ZMYND8: variants seen among roughly 807,000 people sequenced by gnomAD.
ZMYND8 encodes the protein zinc finger MYND-type containing 8, also known as MYND-type zinc finger-containing chromatin reader ZMYND8.
In ZMYND8, 37 loss-of-function variants were observed where a neutral mutation model predicts 140.8. The ratio of observed to expected loss-of-function variants is 0.26; its 90% CI spans 0.20 to 0.35. The LOEUF (loss-of-function observed/expected upper bound fraction) is 0.35. Among genes scored for constraint, ZMYND8 ranks in the 10% least tolerant of loss-of-function variants. ZMYND8 has a pLI of 1.00. For missense variants in ZMYND8, 1,068 were observed against 1,570.0 expected (o/e 0.68, Z 5.40); for synonymous variants, 592 against 597.1 (o/e 0.99, Z 0.12).
At position 47,283,611 on chromosome 20, in the gene ZMYND8, G is replaced by T. The variant is rs1247095234; in HGVS notation, c.842C>A (p.Ala281Asp). The change falls in exon 9 of 23, where the codon GCT (alanine) becomes GAT (aspartate). Residue 281 changes from alanine to aspartate, a missense_variant. Around this residue, in one of 10 missense-constraint regions of ZMYND8, gnomAD observed 109 missense variants for 314.9 expected, o/e 0.35. Transcript: ENST00000471951. ...EIEVCPECYLAACQKRDNWFC... is the reference protein window; with the variant it reads ...EIEVCPECYLDACQKRDNWFC... The stretch of plus-strand genomic sequence containing the variant: ...CCAGTTATCTCGTTTTTGGCAAGCA[G>T]CTAGATAACATTCTGGACATACTTC... 1 of 1,613,964 alleles carries T rather than the reference G, an allele frequency of 6.2e-7. No homozygotes were observed. The highest frequency in any genetic ancestry group is 8.5e-7 in the Non-Finnish European group (1 of 1,179,986).
chr20:47,236,645 C>T (rs1490839991), intron 15 of ZMYND8, 129 bp from the exon 16 acceptor site: 1 of 965,028 alleles, frequency 1.0e-6, no homozygotes, highest in African/African-American at 1.7e-5. Flanking sequence ...CAAAGATGCT[C>T]CCCTTGACCA....
At chr20:47,225,576 AGGGAGGGGAAGGAAGGGGAAGGAG>A (rs2037572572) in intron 18 of ZMYND8, among the ~76,000 whole-genome samples, 8 of 776 alleles carry the variant, frequency 0.01, no homozygotes, top group Admixed American at 0.016. Context: ...AGGGAGGGGA[AGGGAGGGGAAGGAAGGGGAAGGAG>A]GGGATGGGAG....
At chr20:47,238,704 G>T in intron 15 of ZMYND8, 54 bp downstream of exon 15, 1 of 1,565,212 alleles carries the variant, frequency 6.4e-7, no homozygotes, top group East Asian at 2.4e-5. Flanking sequence ...TTCTCCTGTC[G>T]ATGTGGCAAA....
At chr20:47,238,534 T>C (rs2039533672) in intron 15 of ZMYND8, 1 of 744,018 alleles carries the variant, frequency 1.3e-6, no homozygotes, top group Admixed American at 2.7e-5. Flanking sequence ...TATATGCATG[T>C]ATCATTTATA....
At chr20:47,282,852 C>T (rs898160305) in intron 9 of ZMYND8, among the ~76,000 whole-genome samples, 1 of 152,108 alleles carries the variant, frequency 6.6e-6, no homozygotes, top group Non-Finnish European at 1.5e-5. Flanking sequence ...GACAATGACA[C>T]CAATACCTTC....
intron 2 of ZMYND8, among the ~76,000 whole-genome samples, chr20:47,314,611 G>A (rs993648207): frequency 6.6e-6 from 1 of 152,244 alleles, no homozygotes; most frequent in Non-Finnish European, 1.5e-5. Context: ...TCCTCCCGAA[G>A]ACTGGGAGGT....
rs745464301 is a variant in ZMYND8 at position 47,290,294 on chromosome 20, A to G, written c.661-20T>C. 2.5e-6 allele frequency: 4 copies of G among 1,610,748 alleles called. No homozygotes were observed. The highest frequency in any genetic ancestry group is 1.3e-5 in the African/African-American group (1 of 74,836). ...CGCATTCTGGGAAGAAAAGCGATGG[A>G]GCATAATCACAGTGAGTCTAGACAA... On this transcript the variant is annotated intron_variant, in intron 6 of 22. Coordinates refer to ENST00000471951, the MANE Select transcript of ZMYND8 (RefSeq NM_001281775.3).
At chr20:47,335,463 C>A (rs1315443923) in intron 2 of ZMYND8, among the ~76,000 whole-genome samples, 1 of 151,972 alleles carries the variant, frequency 6.6e-6, no homozygotes, top group Non-Finnish European at 1.5e-5. Context: ...AAACTGATCA[C>A]CTCAAGTCAT....
In ZMYND8 at chr20:47,290,268, T is replaced by C; in HGVS notation, c.667A>G (p.Lys223Glu). The C allele has an allele frequency of 1.2e-6, 2 of 1,613,374 alleles. No homozygotes were observed. Among genetic ancestry groups the C allele is most frequent in the Non-Finnish European group, 1.7e-6 (2 of 1,179,730 alleles). Residue 223 changes from lysine (K) to glutamate (E), a missense_variant, in exon 7 of 23, where the codon AAA becomes GAA. This residue lies in a region of ZMYND8 where 109 missense variants were observed against 314.9 expected (regional missense o/e 0.35). Transcript: ENST00000471951. ...TCTGTGCAGCCATACATTTTCTTTTTCGCATTCTGGGAAGAAAAGCGATGG... is the reference window on the plus strand; with the variant it reads ...TCTGTGCAGCCATACATTTTCTTTTCCGCATTCTGGGAAGAAAAGCGATGG... ...MDLCTLEKNA[K>E]KKMYGCTEAF...
chr20:47,313,486 G>C (rs1385984340), intron 2 of ZMYND8, among the ~76,000 whole-genome samples: 1 of 152,002 alleles, frequency 6.6e-6, no homozygotes, highest in African/African-American at 2.4e-5. Context: ...GCCGGGCGTG[G>C]TGGCGGGCGC....
chr20:47,270,179 G>A (rs989484675), intron 11 of ZMYND8, among the ~76,000 whole-genome samples: 4 of 151,228 alleles, frequency 2.6e-5, no homozygotes, highest in African/African-American at 7.3e-5. Context: ...TGAAGGCTAC[G>A]GTGAGCCATG....
chr20:47,352,605 C>G, intron 1 of ZMYND8: 1 of 927,100 alleles, frequency 1.1e-6, no homozygotes. Flanking sequence ...CAGGTCTGAG[C>G]ATTGGCCTCA....
intron 21 of ZMYND8, among the ~76,000 whole-genome samples, chr20:47,217,844 GA>G (rs2036345085): frequency 6.6e-6 from 1 of 152,092 alleles, no homozygotes; most frequent in African/African-American, 2.4e-5. Context: ...GCCTTATTCA[GA>G]AAAACTGCCC....
intron 3 of ZMYND8, among the ~76,000 whole-genome samples, chr20:47,299,756 G>A (rs762750495): frequency 2.6e-5 from 4 of 151,770 alleles, no homozygotes; most frequent in Admixed American, 1.3e-4. Context: ...GCTAATTTTC[G>A]TATTTTTAGT....
intron 12 of ZMYND8, among the ~76,000 whole-genome samples, chr20:47,256,423 T>A (rs1033745623): frequency 6.6e-6 from 1 of 151,802 alleles, no homozygotes; most frequent in Non-Finnish European, 1.5e-5. Flanking sequence ...ATTGAGACCA[T>A]CCTGGCTAAC....
At chr20:47,333,293 A>G (rs60854790) in intron 2 of ZMYND8, among the ~76,000 whole-genome samples, 2 of 151,770 alleles carry the variant, frequency 1.3e-5, no homozygotes, top group Non-Finnish European at 2.9e-5. Flanking sequence ...TCCCTTGAGG[A>G]CACCATTGCA....
intron 16 of ZMYND8, among the ~76,000 whole-genome samples, chr20:47,231,064 T>C (rs1384626091): frequency 6.6e-6 from 1 of 152,244 alleles, no homozygotes; most frequent in Non-Finnish European, 1.5e-5. Flanking sequence ...GTCAGGACAC[T>C]GTCTTTGCGG....
At chr20:47,252,441 G>T (rs938791662) in intron 12 of ZMYND8, among the ~76,000 whole-genome samples, 6 of 151,832 alleles carry the variant, frequency 4.0e-5, no homozygotes, top group African/African-American at 1.5e-4. Flanking sequence ...AAATGAAGAA[G>T]CATGCTAGAT....
chr20:47,335,904 C>T (rs994277400), intron 2 of ZMYND8, among the ~76,000 whole-genome samples: 1 of 152,190 alleles, frequency 6.6e-6, no homozygotes, highest in Non-Finnish European at 1.5e-5. Flanking sequence ...AGGAGAGGAA[C>T]AATCTGGTAG....
Sources: gnomAD v4.1 joint callset for allele counts (sites outside exome capture counted in the v4.1 genomes callset) on GRCh38, gnomAD v4.1.1 for gene constraint, gnomAD v4.1.1 regional missense constraint, MANE v1.5 for transcripts, NCBI Gene and HGNC (gene_info 2026-07-23, HGNC 2026-07-21) for gene names.